The following HIVEP3 variants were observed in gnomAD, a reference collection of about 807,000 sequenced individuals.
HIVEP3 encodes the protein HIVEP zinc finger 3.
In HIVEP3, 49 loss-of-function variants were observed where a neutral mutation model predicts 152.8. That is an observed-to-expected ratio of 0.32 (90% CI 0.26 to 0.41). The LOEUF (loss-of-function observed/expected upper bound fraction) is 0.41. Ranked by LOEUF, HIVEP3 falls within the 10% of genes least tolerant of loss-of-function variation. The pLI, the probability that HIVEP3 is intolerant of heterozygous loss-of-function variation, is 1.00. For synonymous variants in HIVEP3, 1,269 were observed against 1,289.0 expected (o/e 0.98, Z 0.33); for missense variants, 2,790 against 3,103.3 (o/e 0.90, Z 2.40).
chr1:41,553,671 A>G (rs1199456492), intron 5 of HIVEP3, among the ~76,000 whole-genome samples: 1 of 152,180 alleles, frequency 6.6e-6, no homozygotes, highest in Non-Finnish European at 1.5e-5. Context: ...TGCTTCCTTC[A>G]GGAGCTCTTG....
chr1:41,981,431 G>A (rs1645293082), intron 1 of HIVEP3, among the ~76,000 whole-genome samples: 1 of 151,900 alleles, frequency 6.6e-6, no homozygotes, highest in African/African-American at 2.4e-5. Flanking sequence ...GGGGCAGGAG[G>A]GAGGAAGTGG....
intron 1 of HIVEP3, among the ~76,000 whole-genome samples, chr1:41,771,226 A>C (rs1435578348): frequency 1.3e-5 from 2 of 152,054 alleles, no homozygotes; most frequent in African/African-American, 4.8e-5. Context: ...TTATTTCAAA[A>C]AATAATTTCA....
chr1:41,736,639 C>G (rs192905658), intron 1 of HIVEP3, among the ~76,000 whole-genome samples: 11 of 152,344 alleles, frequency 7.2e-5, no homozygotes, highest in Non-Finnish European at 1.2e-4. Context: ...TGGGCAGATG[C>G]AGGCCAAGGA....
At chr1:41,634,849 A>G (rs1260368313) in intron 2 of HIVEP3, among the ~76,000 whole-genome samples, 1 of 152,204 alleles carries the variant, frequency 6.6e-6, no homozygotes, top group Admixed American at 6.5e-5. Context: ...TGTATAAAAT[A>G]AGACATTCTT....
In HIVEP3 at chr1:41,775,300, TA is replaced by T. The variant is rs1648626286; in HGVS notation, c.-800-74306del. ...GAAGAAGACATTTCTGCGGAGCATA[TA>T]AATTTGAATGGCAATATACTCCCTT... On this transcript the variant is annotated intron_variant, in intron 1 of 8. Transcript: ENST00000372583. Among the ~76,000 whole-genome samples the T allele has an allele frequency of 2.0e-5, 3 of 152,278 alleles. No individual in the cohort carries two copies. The South Asian group carries it at 6.2e-4, about 32-fold the overall frequency.
chr1:41,956,721 T>C (rs934606072), intron 1 of HIVEP3, among the ~76,000 whole-genome samples: 9 of 152,196 alleles, frequency 5.9e-5, no homozygotes, highest in African/African-American at 2.2e-4. Flanking sequence ...CCAAGTTAGG[T>C]ATGAAGTTTG....
chr1:41,878,969 T>C (rs1644218981), intron 1 of HIVEP3, among the ~76,000 whole-genome samples: 1 of 150,770 alleles, frequency 6.6e-6, no homozygotes, highest in Non-Finnish European at 1.5e-5. Flanking sequence ...CTTCCACGGC[T>C]GGGGATGGCT....
chr1:41,550,723 G>A (rs1344906410), intron 5 of HIVEP3, among the ~76,000 whole-genome samples: 1 of 152,082 alleles, frequency 6.6e-6, no homozygotes, highest in South Asian at 2.1e-4. Context: ...GCACATTGAT[G>A]TTGTATCCTG....
Position 41,511,974 on chromosome 1 carries a change from A to C in HIVEP3, c.6406-708T>G, listed in dbSNP as rs185458855. 4.6e-5 allele frequency among the ~76,000 whole-genome samples: 7 copies of C among 151,928 alleles called. No homozygotes were observed. Among genetic ancestry groups the C allele is most frequent in the Non-Finnish European group, 8.8e-5 (6 of 67,960 alleles). ...ATAGTGCTGATGGTTGACAAGGATG[A>C]TATTGGTTGTGGTGTCTCTGAGAGC... On this transcript the variant is annotated intron_variant, in intron 8 of 8. Transcript: ENST00000372583. This position sits in a 1 kb window ranked among gnomAD's most constrained non-coding sequence, Gnocchi z 4.9.
upstream of HIVEP3, among the ~76,000 whole-genome samples, chr1:41,921,959 AT>A (rs1007607886): frequency 1.3e-5 from 2 of 152,120 alleles, no homozygotes; most frequent in African/African-American, 4.8e-5. Flanking sequence ...CACAAAAGAG[AT>A]TTAAAAAATC....
intron 1 of HIVEP3, among the ~76,000 whole-genome samples, chr1:41,767,118 A>G (rs541170724): frequency 6.6e-6 from 1 of 152,166 alleles, no homozygotes; most frequent in East Asian, 1.9e-4. Context: ...TGAACCTCTC[A>G]TCTTCTGTCT....
intron 7 of HIVEP3, among the ~76,000 whole-genome samples, chr1:41,513,993 A>G (rs1183787020): frequency 6.6e-6 from 1 of 152,212 alleles, no homozygotes; most frequent in East Asian, 1.9e-4. Flanking sequence ...AGCTTTAGGT[A>G]TATTTATTCA....
chr1:41,890,078 G>A (rs1644423473), intron 1 of HIVEP3, among the ~76,000 whole-genome samples: 1 of 152,192 alleles, frequency 6.6e-6, no homozygotes, highest in Non-Finnish European at 1.5e-5. Context: ...TGTGCCACTG[G>A]GCATGTGATT....
At chr1:41,541,676 G>A (rs186593785) in intron 5 of HIVEP3, among the ~76,000 whole-genome samples, 1 of 152,318 alleles carries the variant, frequency 6.6e-6, no homozygotes, top group Admixed American at 6.5e-5. Flanking sequence ...AGAAAACAGA[G>A]CTGGGCTTAC....
chr1:41,770,128 C>T (rs559542484), intron 1 of HIVEP3, among the ~76,000 whole-genome samples: 1 of 152,106 alleles, frequency 6.6e-6, no homozygotes, highest in Admixed American at 6.5e-5. Flanking sequence ...ACCACCACGC[C>T]CGGCTAATTT....
Position 41,582,184 on chromosome 1 carries a change from C to G in HIVEP3, c.2614G>C (p.Glu872Gln), listed in dbSNP as rs1190852658. 1.2e-6 allele frequency: 2 copies of G among 1,613,946 alleles called. No homozygotes were observed. The highest frequency in any genetic ancestry group is 1.7e-6 in the Non-Finnish European group (2 of 1,179,992). ...EEPDRPDTEP[E>Q]PPPKEPEKTE... is the part of the protein sequence containing the mutation. ...TTCTCAGGTTCCTTAGGGGGCGGCT[C>G]TGGCTCTGTGTCCGGCCGGTCAGGC... Residue 872 changes from glutamate to glutamine, a missense_variant, in exon 4 of 9, where the codon GAG (glutamate) becomes CAG (glutamine). Glu to Gln is a conservative substitution (Grantham distance 29). Around this residue, in one of 9 missense-constraint regions of HIVEP3, gnomAD observed 1,078 missense variants for 1,165.3 expected, o/e 0.93. Coordinates refer to ENST00000372583, the MANE Select transcript of HIVEP3 (RefSeq NM_024503.5). The surrounding 1 kb of genome is among the most constrained non-coding windows in gnomAD (Gnocchi z 4.7).
rs547724687 is a variant in HIVEP3, at chr1:41,836,715, G to C, written c.-801+81698C>G. 3.8e-4 allele frequency among the ~76,000 whole-genome samples: 58 copies of C among 152,278 alleles called. 1 individual carries two copies. In the South Asian group the frequency reaches 0.012, roughly 31 times the overall value. On this transcript the variant is annotated intron_variant, in intron 1 of 8. Transcript: ENST00000372583. ...TGCAACCAGTCCTTTGGAGTTAGTT[G>C]TGGTAGGATGCGACTGGCAAACCTA...
intron 1 of HIVEP3, among the ~76,000 whole-genome samples, chr1:41,999,594 T>C (rs1309117465): frequency 6.6e-6 from 1 of 151,802 alleles, no homozygotes. Flanking sequence ...TTGAGATAAA[T>C]AGAGAAAAAT....
chr1:41,583,724 G>T lies in HIVEP3; in HGVS notation c.1074C>A (p.His358Gln). ...HPLSHKPEDT[H>Q]TIKQKLALRL... ...GGAGGGCCAGCTTCTGCTTAATCGT[G>T]TGGGTGTCTTCAGGTTTATGGCTCA... Residue 358 changes from histidine to glutamine, a missense_variant, in exon 4 of 9, where the codon CAC becomes CAA. His to Gln is a conservative substitution (Grantham distance 24). Around this residue, in one of 9 missense-constraint regions of HIVEP3, gnomAD observed 134 missense variants for 242.5 expected, o/e 0.55. Coordinates refer to ENST00000372583, the MANE Select transcript of HIVEP3 (RefSeq NM_024503.5). This position sits in a 1 kb window ranked among gnomAD's most constrained non-coding sequence, Gnocchi z 6.9. The T allele has an allele frequency of 6.2e-7, 1 of 1,607,876 alleles. No individual in the cohort carries two copies. Among genetic ancestry groups the T allele is most frequent in the Admixed American group, 1.7e-5 (1 of 59,640 alleles).
Sources: allele counts gnomAD v4.1 joint callset (sites outside exome capture counted in the v4.1 genomes callset), GRCh38; gene constraint gnomAD v4.1.1; regional missense constraint gnomAD v4.1.1; non-coding constraint Gnocchi (gnomAD v3.1); transcripts MANE v1.5; gene names NCBI Gene and HGNC (gene_info 2026-07-23, HGNC 2026-07-21).